Variants in PARP14 observed in about 807,000 individuals in gnomAD.
PARP14 encodes the protein protein mono-ADP-ribosyltransferase PARP14.
In PARP14, 59 loss-of-function variants were observed where a neutral mutation model predicts 154.2. That is an observed-to-expected ratio of 0.38 (90% confidence interval 0.31 to 0.48). The LOEUF (loss-of-function observed/expected upper bound fraction) is 0.48, where lower values mean the gene tolerates loss of function less well. Ranked by LOEUF, PARP14 falls within the 20% of genes least tolerant of loss-of-function variation. The pLI is 0.98. For synonymous variants in PARP14, 720 were observed against 780.5 expected, an observed-to-expected ratio of 0.92 and a Z score of 1.29; for missense variants, 1,734 against 2,131.6, an observed-to-expected ratio of 0.81 and a Z score of 3.67.
rs1169565522 is a variant in PARP14 at position 122,681,358 on chromosome 3, CTGTTGTGGTGGTGTTATTGTT to C, written c.187+295_187+315del. Reference sequence around the variant, plus strand: ...TCCCTCGATCGTTTTCTGTCTTTCCCTGTTGTGGTGGTGTTATTGTTTGTTGTTGTTGTTGTGGAAGTGAGT... The same window carrying C: ...TCCCTCGATCGTTTTCTGTCTTTCCCTGTTGTTGTTGTTGTGGAAGTGAGT... On this transcript the variant is annotated intron_variant, in intron 1 of 16. Coordinates refer to ENST00000474629, the MANE Select transcript of PARP14 (RefSeq NM_017554.3). The surrounding 1 kb of genome is among the most constrained non-coding windows in gnomAD (Gnocchi z 5.5). 6.6e-6 allele frequency among the ~76,000 whole-genome samples: 1 copy of C among 152,240 alleles called. No homozygotes were observed. Among genetic ancestry groups the C allele is most frequent in the Non-Finnish European group, 1.5e-5 (1 of 68,042 alleles).
intron 14 of PARP14, 69 bp from the exon 15 acceptor site, chr3:122,720,186 A>T (rs1271669155): frequency 2.5e-5 from 36 of 1,468,796 alleles, no homozygotes; most frequent in Non-Finnish European, 3.3e-5. Context: ...TAAAACAAGA[A>T]CACAGATACT....
At chr3:122,698,272 C>A (rs1480444002) in intron 5 of PARP14, among the ~76,000 whole-genome samples, 1 of 152,230 alleles carries the variant, frequency 6.6e-6, no homozygotes, top group Admixed American at 6.5e-5. Flanking sequence ...TTTTTAACAT[C>A]TTTCCACAAA....
Position 122,708,665 on chromosome 3 carries a change from T to G in PARP14, c.3619+397T>G, listed in dbSNP as rs371768803. The stretch of plus-strand genomic sequence containing the variant: ...CCGAGGCTTCTTGAATATAAAAATG[T>G]ATGTCTTTCATCAAATTTGGAAAAT... On this transcript the variant is annotated intron_variant, in intron 9 of 16. Coordinates refer to ENST00000474629, the MANE Select transcript of PARP14 (RefSeq NM_017554.3). 8.5e-5 allele frequency among the ~76,000 whole-genome samples: 13 copies of G among 152,364 alleles called. 2 individuals carry two copies. Among genetic ancestry groups the G allele is most frequent in the East Asian group, 1.9e-4 (1 of 5,186 alleles).
rs7632072 is a variant in PARP14, at chr3:122,700,445, A to G, written c.1891A>G (p.Thr631Ala). ...LLKKQNSSPN[T>A]VIINELTSET... ...TAAGAAACAAAATTCCTCCCCAAAC[A>G]CTGTAATCATCAATGAGTTAACTTC... Residue 631 changes from threonine (T) to alanine (A), a missense_variant, in exon 6 of 17, where the codon ACT becomes GCT. Physicochemically the swap from Thr to Ala is moderately conservative, Grantham distance 58. Coordinates refer to ENST00000474629, the MANE Select transcript of PARP14 (RefSeq NM_017554.3). 72,095 of 1,613,230 alleles carry G rather than the reference A, an allele frequency of 0.045. 1,817 individuals carry two copies. Among genetic ancestry groups the G allele is most frequent in the African/African-American group, 0.097 (7,248 of 74,992 alleles).
intron 15 of PARP14, among the ~76,000 whole-genome samples, chr3:122,725,748 A>G (rs576882784): frequency 6.6e-6 from 1 of 152,150 alleles, no homozygotes; most frequent in Non-Finnish European, 1.5e-5. Flanking sequence ...ACAATCTTTT[A>G]TCTTTTAACT....
chr3:122,725,263 G>A (rs937162412), intron 15 of PARP14, among the ~76,000 whole-genome samples: 5 of 151,586 alleles, frequency 3.3e-5, no homozygotes, highest in African/African-American at 9.7e-5. Context: ...TAGACAGGGC[G>A]GCCGGGCAGA....
chr3:122,681,117 C>T lies in PARP14; in HGVS notation c.187+47C>T. 6.8e-7 allele frequency: 1 copy of T among 1,466,164 alleles called. No homozygotes were observed. The highest frequency in any genetic ancestry group is 9.5e-7 in the Non-Finnish European group (1 of 1,057,840). 90.8% of individuals were successfully genotyped at this position (1,466,164 alleles called of 1,614,324 possible). A position where few individuals can be genotyped will look rare whatever the true frequency, so the allele number is the denominator to read the frequency against. ...GTGAGGAGGGGGCACCTCTGCCCTC[C>T]CTCCAGGGAAATGGCGGCAGGGCAC... On this transcript the variant is annotated intron_variant, in intron 1 of 16. Transcript: ENST00000474629. The surrounding 1 kb of genome is among the most constrained non-coding windows in gnomAD (Gnocchi z 5.5).
chr3:122,728,254 A>G, intron 16 of PARP14, 54 bp from the exon 17 acceptor site: 2 of 1,454,608 alleles, frequency 1.4e-6, no homozygotes, highest in South Asian at 1.2e-5. Context: ...TTGGGCCAAC[A>G]TATCAAATTT....
At position 122,730,293 on chromosome 3, in the gene PARP14, C is replaced by T. The variant is rs1406522585; in HGVS notation, c.*1696C>T. On this transcript the variant is annotated 3_prime_UTR_variant, in exon 17 of 17. Coordinates refer to ENST00000474629, the MANE Select transcript of PARP14 (RefSeq NM_017554.3). ...AACACCTCCGACAGTCTTGAAATAC[C>T]CCCATGTTGCCTTGTTTGTTTTTTC... 2 of 152,288 alleles carry T rather than the reference C, an allele frequency of 1.3e-5. No homozygotes were observed. The highest frequency in any genetic ancestry group is 2.9e-5 in the Non-Finnish European group (2 of 68,152). The allele number at this position is 152,288 out of a possible 1,614,324, so 9.4% of individuals were successfully genotyped here.
chr3:122,685,412 G>A, intron 2 of PARP14, 94 bp downstream of exon 2: 1 of 1,201,022 alleles, frequency 8.3e-7, no homozygotes, highest in Non-Finnish European at 1.2e-6. Context: ...GGAAAGAAAA[G>A]CATGAAGCAA....
At chr3:122,704,398 G>T in intron 7 of PARP14, 129 bp from the exon 8 acceptor site, 1 of 610,408 alleles carries the variant, frequency 1.6e-6, no homozygotes, top group South Asian at 2.2e-5. Flanking sequence ...TTCCTCTTCT[G>T]ATTGCCCTTA....
At chr3:122,713,102 T>C (rs151014658) in intron 9 of PARP14, among the ~76,000 whole-genome samples, 2 of 152,348 alleles carry the variant, frequency 1.3e-5, no homozygotes, top group African/African-American at 4.8e-5. Context: ...TCTGCTGTTA[T>C]TGTAACTTTT....
chr3:122,703,688 T>C (rs1037955263), intron 6 of PARP14, 54 bp from the exon 7 acceptor site: 5 of 1,076,892 alleles, frequency 4.6e-6, no homozygotes, highest in African/African-American at 3.1e-5. Context: ...ATAGTAATCA[T>C]TGATGAATGC....
chr3:122,708,152 T>C (rs1455523081), intron 8 of PARP14, 38 bp from the exon 9 acceptor site: 2 of 1,065,666 alleles, frequency 1.9e-6, no homozygotes, highest in Non-Finnish European at 2.8e-6. Flanking sequence ...ATTCATTTAC[T>C]GAGGAGTGTA....
rs572563148 is a variant in PARP14, at chr3:122,718,731, G to A, written c.4580G>A (p.Arg1527Gln). The A allele has an allele frequency of 4.3e-6, 7 of 1,613,230 alleles. No individual in the cohort carries two copies. Among genetic ancestry groups the A allele is most frequent in the East Asian group, 2.2e-5 (1 of 44,874 alleles). ...CGATTGGCCAAAGAACAGGAATCCCGGGCAGATTGTATCAGTGAGTTTATA... is the reference window on the plus strand; with the variant it reads ...CGATTGGCCAAAGAACAGGAATCCCAGGCAGATTGTATCAGTGAGTTTATA... Reference protein sequence around the residue: ...RVRLAKEQESRADCISEFIEW... With the variant: ...RVRLAKEQESQADCISEFIEW... Residue 1527 changes from arginine to glutamine, a missense_variant, in exon 14 of 17, where the codon CGG becomes CAG. By Grantham distance (43) the Arg-to-Gln change is conservative. Coordinates refer to ENST00000474629, the MANE Select transcript of PARP14 (RefSeq NM_017554.3).
intron 9 of PARP14, among the ~76,000 whole-genome samples, chr3:122,710,556 T>A (rs1939292359): frequency 6.6e-6 from 1 of 152,100 alleles, no homozygotes; most frequent in Admixed American, 6.6e-5. Flanking sequence ...TTTGGTTCCA[T>A]GTGAATTTTA....
intron 1 of PARP14, among the ~76,000 whole-genome samples, chr3:122,683,839 A>T (rs1436299750): frequency 3.3e-5 from 5 of 152,224 alleles, no homozygotes; most frequent in African/African-American, 1.2e-4. Flanking sequence ...AAGTCTAGGG[A>T]ATAAGAAAAG....
rs372893434 is a variant in PARP14, at chr3:122,729,016, G to C, written c.*419G>C. The C allele has an allele frequency of 6.1e-6, 1 of 163,230 alleles. No individual in the cohort carries two copies. Among genetic ancestry groups the C allele is most frequent in the Non-Finnish European group, 1.3e-5 (1 of 74,350 alleles). The allele number at this position is 163,230 out of a possible 1,614,324, so 10.1% of individuals were successfully genotyped here. On this transcript the variant is annotated 3_prime_UTR_variant, in exon 17 of 17. Transcript: ENST00000474629. The stretch of plus-strand genomic sequence containing the variant: ...GTATTACCCAGTGGGTAGGGCTTCT[G>C]TCTTCCCTGGGAGCAGGGATGGTAT...
chr3:122,701,679 T>G lies in PARP14; in HGVS notation c.3081+44T>G. ...GAACACCACCAGGGCACTGTGACTTTACTTAGTCAGTGGCTCTCTCATGGA... is the reference window on the plus strand; with the variant it reads ...GAACACCACCAGGGCACTGTGACTTGACTTAGTCAGTGGCTCTCTCATGGA... On this transcript the variant is annotated intron_variant, in intron 6 of 16. Transcript: ENST00000474629. The surrounding 1 kb of genome is among the most constrained non-coding windows in gnomAD (Gnocchi z 4.0). The G allele has an allele frequency of 7.3e-7, 1 of 1,371,176 alleles. No homozygotes were observed. Among genetic ancestry groups the G allele is most frequent in the South Asian group, 1.4e-5 (1 of 71,492 alleles). 84.9% of individuals were successfully genotyped at this position (1,371,176 alleles called of 1,614,324 possible). A position where few individuals can be genotyped will look rare whatever the true frequency, so the allele number is the denominator to read the frequency against.
Sources: allele counts gnomAD v4.1 joint callset (sites outside exome capture counted in the v4.1 genomes callset), GRCh38; gene constraint gnomAD v4.1.1; non-coding constraint Gnocchi (gnomAD v3.1); transcripts MANE v1.5; gene names NCBI Gene and HGNC (gene_info 2026-07-23, HGNC 2026-07-21).